Variants in PTPRM observed in about 807,000 individuals in gnomAD.
PTPRM encodes the protein protein tyrosine phosphatase receptor type M, also known as receptor-type tyrosine-protein phosphatase mu.
In PTPRM, 47 loss-of-function variants were observed where a neutral mutation model predicts 186.7. The ratio of observed to expected loss-of-function variants is 0.25; its 90% CI spans 0.20 to 0.32. The LOEUF (loss-of-function observed/expected upper bound fraction) is 0.32, where lower values mean the gene tolerates loss of function less well. PTPRM is among the 10% of genes least tolerant of loss of function. The probability of loss-of-function intolerance (pLI) is 1.00; values close to 1 mark genes in which losing one functional copy is unlikely to be tolerated. For synonymous variants in PTPRM, 668 were observed against 674.9 expected (o/e 0.99, Z 0.16); for missense variants, 1,494 against 1,865.0 (o/e 0.80, Z 3.66).
chr18:7,676,768 A>C (rs576896762), intron 1 of PTPRM, among the ~76,000 whole-genome samples: 1 of 152,160 alleles, frequency 6.6e-6, no homozygotes, highest in Non-Finnish European at 1.5e-5. Context: ...CTTACTGACA[A>C]ATGTTTTACT....
At chr18:7,750,133 G>T (rs2041142020) in intron 1 of PTPRM, among the ~76,000 whole-genome samples, 1 of 152,202 alleles carries the variant, frequency 6.6e-6, no homozygotes, top group Non-Finnish European at 1.5e-5. Context: ...TTACAGGATA[G>T]TGTTGTGACT....
chr18:7,785,327 CA>C (rs2043048030), intron 2 of PTPRM, among the ~76,000 whole-genome samples: 1 of 152,088 alleles, frequency 6.6e-6, no homozygotes, highest in South Asian at 2.1e-4. Flanking sequence ...AAATGAGTAC[CA>C]AAAAGCATAT....
At chr18:8,392,104 A>G (rs1187499423) in intron 31 of PTPRM, among the ~76,000 whole-genome samples, 1 of 152,178 alleles carries the variant, frequency 6.6e-6, no homozygotes, top group African/African-American at 2.4e-5. Flanking sequence ...CACAGAGTAA[A>G]ATAAATTTGC....
At position 8,252,464 on chromosome 18, in the gene PTPRM, T is replaced by C. The variant is rs776428460; in HGVS notation, c.2555-24T>C. On this transcript the variant is annotated intron_variant, in intron 17 of 32. Coordinates refer to ENST00000580170, the MANE Select transcript of PTPRM (RefSeq NM_001105244.2). ...GTTTCCTTTTTCTCCTCCTTTTTTC[T>C]CCTGATATGTATCTTCTTAAAAGTG... 89 of 1,530,360 alleles carry C rather than the reference T, an allele frequency of 5.8e-5. 2 individuals carry two copies. In the Middle Eastern group the frequency reaches 1.2e-3, roughly 20 times the overall value. 94.8% of individuals were successfully genotyped at this position (1,530,360 alleles called of 1,614,324 possible).
Position 8,376,561 on chromosome 18 carries a change from G to C in PTPRM, c.3426G>C (p.Glu1142Asp). 1 of 1,613,918 alleles carries C rather than the reference G, an allele frequency of 6.2e-7. No homozygotes were observed. Among genetic ancestry groups the C allele is most frequent in the Non-Finnish European group, 8.5e-7 (1 of 1,179,994 alleles). Residue 1142 changes from glutamate to aspartate, a missense_variant, in exon 26 of 33, where the codon GAG becomes GAC. Transcript: ENST00000580170. ...TAGACATCTACAACTGCGTCAGGGAGCTGCGGTCACGGAGGGTGAACATGG... is the reference window on the plus strand; with the variant it reads ...TAGACATCTACAACTGCGTCAGGGACCTGCGGTCACGGAGGGTGAACATGG... ...GVVDIYNCVR[E>D]LRSRRVNMVQ...
At chr18:8,073,512 A>G (rs115675817) in intron 8 of PTPRM, among the ~76,000 whole-genome samples, 1 of 152,208 alleles carries the variant, frequency 6.6e-6, no homozygotes, top group Non-Finnish European at 1.5e-5. Flanking sequence ...TGTCATTTCT[A>G]ATGTTTTTTG....
At chr18:7,685,049 A>G (rs778356776) in intron 1 of PTPRM, among the ~76,000 whole-genome samples, 1 of 152,194 alleles carries the variant, frequency 6.6e-6, no homozygotes, top group Non-Finnish European at 1.5e-5. Context: ...TCATGTTATG[A>G]TCATTATTAT....
At chr18:8,172,637 A>T (rs1351066182) in intron 14 of PTPRM, among the ~76,000 whole-genome samples, 1 of 151,468 alleles carries the variant, frequency 6.6e-6, no homozygotes, top group East Asian at 2.0e-4. Context: ...AGCTGCCGAC[A>T]TTTCTTGTGT....
chr18:8,315,948 C>T (rs146635654), intron 21 of PTPRM, among the ~76,000 whole-genome samples: 1,713 of 152,296 alleles, frequency 0.011, 11 homozygotes, highest in African/African-American at 0.022. Context: ...ATACCCTCTC[C>T]AGGTTCCATT....
chr18:7,642,062 C>A (rs2038456306), intron 1 of PTPRM, among the ~76,000 whole-genome samples: 1 of 152,166 alleles, frequency 6.6e-6, no homozygotes, highest in African/African-American at 2.4e-5. Context: ...CGTGGCAGAC[C>A]TTGTCCCAAA....
intron 1 of PTPRM, among the ~76,000 whole-genome samples, chr18:7,616,560 G>C (rs1938071126): frequency 6.6e-6 from 1 of 152,132 alleles, no homozygotes; most frequent in Non-Finnish European, 1.5e-5. Flanking sequence ...CTAGCTGAGT[G>C]TTGCTGGTTC....
At chr18:7,988,830 G>T (rs2083108606) in intron 7 of PTPRM, among the ~76,000 whole-genome samples, 1 of 152,028 alleles carries the variant, frequency 6.6e-6, no homozygotes, top group Admixed American at 6.6e-5. Flanking sequence ...CATTTTGGTT[G>T]CTTCTACCTT....
At chr18:8,289,499 T>TACACAC (rs1285837168) in intron 19 of PTPRM, among the ~76,000 whole-genome samples, 12 of 120,650 alleles carry the variant, frequency 9.9e-5, no homozygotes, top group East Asian at 9.0e-4. Context: ...CATATATGTA[T>TACACAC]ATATGTGTGT....
At chr18:8,199,731 A>G (rs2093827611) in intron 14 of PTPRM, among the ~76,000 whole-genome samples, 1 of 152,152 alleles carries the variant, frequency 6.6e-6, no homozygotes, top group African/African-American at 2.4e-5. Context: ...AATCCTACAA[A>G]TTCTCCCTGG....
chr18:8,397,116 G>A (rs569245969), intron 32 of PTPRM, among the ~76,000 whole-genome samples: 4 of 152,342 alleles, frequency 2.6e-5, no homozygotes, highest in South Asian at 4.1e-4. Context: ...AGAGGATGAC[G>A]AGCATGTGCC....
chr18:8,248,752 G>A (rs76858163), intron 17 of PTPRM, among the ~76,000 whole-genome samples: 2,946 of 152,216 alleles, frequency 0.019, 34 homozygotes, highest in Non-Finnish European at 0.032. Flanking sequence ...GTCACACAGT[G>A]GAATTTCAAA....
chr18:7,568,261 A>C lies in PTPRM; in HGVS notation c.73+370A>C, dbSNP rs1003944035. Among the ~76,000 whole-genome samples the C allele has an allele frequency of 6.6e-6, 1 of 151,688 alleles. No homozygotes were observed. The highest frequency in any genetic ancestry group is 1.5e-5 in the Non-Finnish European group (1 of 67,838). Reference sequence around the variant, plus strand: ...AACTTTGCTTGAAGTTCCCAGTTGCAGCCGCCGGGCCGCCTGGCGTAGGCG... The same window carrying C: ...AACTTTGCTTGAAGTTCCCAGTTGCCGCCGCCGGGCCGCCTGGCGTAGGCG... On this transcript the variant is annotated intron_variant, in intron 1 of 32. Coordinates refer to ENST00000580170, the MANE Select transcript of PTPRM (RefSeq NM_001105244.2). This position sits in a 1 kb window ranked among gnomAD's most constrained non-coding sequence, Gnocchi z 5.1.
chr18:7,891,591 G>A (rs1035478004), intron 3 of PTPRM, among the ~76,000 whole-genome samples: 2 of 152,110 alleles, frequency 1.3e-5, no homozygotes, highest in Non-Finnish European at 1.5e-5. Flanking sequence ...GGGTGGCCGG[G>A]CGCAATGGCT....
chr18:7,617,513 A>G (rs2037835010), intron 1 of PTPRM, among the ~76,000 whole-genome samples: 1 of 152,172 alleles, frequency 6.6e-6, no homozygotes, highest in Non-Finnish European at 1.5e-5. Flanking sequence ...TATACATACA[A>G]TAAAGATTTA....
Sources: allele counts gnomAD v4.1 joint callset (sites outside exome capture counted in the v4.1 genomes callset), GRCh38; gene constraint gnomAD v4.1.1; non-coding constraint Gnocchi (gnomAD v3.1); transcripts MANE v1.5; gene names NCBI Gene and HGNC (gene_info 2026-07-23, HGNC 2026-07-21).